The following EML1 variants were observed in gnomAD, a reference collection of about 807,000 sequenced individuals.
The protein encoded by EML1 is EMAP like 1, also known as echinoderm microtubule-associated protein-like 1.
A neutral mutation model predicts 110.4 loss-of-function variants in EML1; 27 were observed. That is an observed-to-expected ratio of 0.24 (90% confidence interval 0.18 to 0.34). The LOEUF (loss-of-function observed/expected upper bound fraction) is 0.34. EML1 is among the 10% of genes least tolerant of loss of function. The pLI is 1.00. For missense variants in EML1, 741 were observed against 1,030.9 expected, an observed-to-expected ratio of 0.72 and a Z score of 3.85; for synonymous variants, 344 against 385.8, an observed-to-expected ratio of 0.89 and a Z score of 1.27.
At chr14:99,772,810 A>C (rs1345494098), upstream of EML1, 32 of 152,184 alleles carry the variant, frequency 2.1e-4, no homozygotes, top group Admixed American at 2.1e-3. Context: ...GTCCCTGCTA[A>C]ATTGATTTTA....
At position 99,745,982 on chromosome 14, in the gene EML1, T is replaced by C. The variant is rs528209594; in HGVS notation, c.28+8122T>C. 3.3e-5 allele frequency among the ~76,000 whole-genome samples: 5 copies of C among 152,306 alleles called. No individual in the cohort carries two copies. In the South Asian group the frequency reaches 8.3e-4, roughly 25 times the overall value. ...CCAGCCCACTCTGGTGTCCTTGTCC[T>C]TAGGGTTAATAGACTGAGGTTACTG... On this transcript the variant is annotated intron_variant, in intron 1 of 10. Coordinates refer to the EML1 transcript ENST00000554479.
At chr14:99,933,717 G>A (rs147212057) in intron 17 of EML1, among the ~76,000 whole-genome samples, 16 of 152,338 alleles carry the variant, frequency 1.1e-4, no homozygotes, top group Non-Finnish European at 1.5e-4. Context: ...TCTACTTCAC[G>A]AGGTTGTTAC....
At chr14:99,849,693 G>A (rs781052806) in intron 1 of EML1, among the ~76,000 whole-genome samples, 11 of 151,406 alleles carry the variant, frequency 7.3e-5, no homozygotes, top group East Asian at 5.9e-4. Flanking sequence ...GACTATAGAC[G>A]CGCACCACCA....
chr14:99,793,056 C>A (rs911837247), upstream of EML1, among the ~76,000 whole-genome samples: 1 of 151,458 alleles, frequency 6.6e-6, no homozygotes, highest in African/African-American at 2.4e-5. Context: ...CCCGCGCCCC[C>A]GCAAGGGCCG....
Position 99,939,232 on chromosome 14 carries a change from A to G in EML1, c.2227A>G (p.Asn743Asp), listed in dbSNP as rs772026903. 1.4e-5 allele frequency: 22 copies of G among 1,614,076 alleles called. No individual in the cohort carries two copies. The East Asian group carries it at 4.5e-4, about 33-fold the overall frequency. Reference protein sequence around the residue: ...WPEGSDGTDINAVCRAHEKKL... With the variant: ...WPEGSDGTDIDAVCRAHEKKL... The stretch of plus-strand genomic sequence containing the variant: ...AGAAGGCTCGGACGGAACCGACATC[A>G]ATGCCGTCTGTCGGGCCCATGAGAA... Residue 743 changes from asparagine to aspartate, a missense_variant, in exon 21 of 22, where the codon AAT becomes GAT. Coordinates refer to ENST00000262233, the MANE Select transcript of EML1 (RefSeq NM_004434.3). This position sits in a 1 kb window ranked among gnomAD's most constrained non-coding sequence, Gnocchi z 4.2.
chr14:99,791,552 G>T (rs1354369888), upstream of EML1, among the ~76,000 whole-genome samples: 1 of 152,146 alleles, frequency 6.6e-6, no homozygotes, highest in African/African-American at 2.4e-5. Context: ...GTTGCTACAG[G>T]GCACTTCTAA....
chr14:99,790,593 A>G (rs1431260105), upstream of EML1, among the ~76,000 whole-genome samples: 1 of 152,240 alleles, frequency 6.6e-6, no homozygotes, highest in East Asian at 1.9e-4. Context: ...CCAATCATCC[A>G]ACATATCCTG....
intron 1 of EML1, among the ~76,000 whole-genome samples, chr14:99,823,345 C>A (rs2058296737): frequency 6.6e-6 from 1 of 151,938 alleles, no homozygotes; most frequent in Non-Finnish European, 1.5e-5. Flanking sequence ...GGCTGTGTCC[C>A]CACTTAGCCA....
At chr14:99,756,345 A>C (rs2140180768) in intron 1 of EML1, among the ~76,000 whole-genome samples, 2 of 152,320 alleles carry the variant, frequency 1.3e-5, no homozygotes, top group South Asian at 4.1e-4. Context: ...TGCCCTGCTG[A>C]TGTAGCAAGG....
intron 4 of EML1, among the ~76,000 whole-genome samples, chr14:99,889,543 G>A (rs1219519181): frequency 1.3e-5 from 2 of 152,206 alleles, no homozygotes; most frequent in Non-Finnish European, 2.9e-5. Flanking sequence ...CGGGGGCTGT[G>A]GCGAGCAGGG....
rs140916536 is a variant in EML1, at chr14:99,810,432, C to T, written c.67+16889C>T. 5.1e-3 allele frequency among the ~76,000 whole-genome samples: 770 copies of T among 152,294 alleles called. 3 individuals carry two copies. Among genetic ancestry groups the T allele is most frequent in the African/African-American group, 0.018 (745 of 41,550 alleles). On this transcript the variant is annotated intron_variant, in intron 1 of 21. Coordinates refer to ENST00000262233, the MANE Select transcript of EML1 (RefSeq NM_004434.3). ...ATGGTTTTGTTGCAGTGTTTCATTT[C>T]GTCCTCGCAACCATTCAGTGGACCA...
chr14:99,849,535 A>G lies in EML1; in HGVS notation c.68-1318A>G, dbSNP rs201000547. 2.4e-3 allele frequency among the ~76,000 whole-genome samples: 330 copies of G among 140,330 alleles called. 8 individuals carry two copies. In the South Asian group the frequency reaches 0.042, roughly 18 times the overall value. 92.1% of individuals were successfully genotyped at this position (140,330 alleles called of 152,430 possible). The stretch of plus-strand genomic sequence containing the variant: ...TGTGTGTGTGTGTGTGTGTGTATAT[A>G]TATTTATTTATTTATTTATTTGTTT... On this transcript the variant is annotated intron_variant, in intron 1 of 21. Transcript: ENST00000262233.
intron 17 of EML1, among the ~76,000 whole-genome samples, chr14:99,922,946 CTGTT>C (rs1316082197): frequency 5.9e-5 from 9 of 151,536 alleles, no homozygotes; most frequent in Non-Finnish European, 8.8e-5. Context: ...ATCTTTTTTT[CTGTT>C]TGTTTGTTTT....
chr14:99,852,146 A>AT (rs922599091), intron 2 of EML1, among the ~76,000 whole-genome samples: 12 of 152,300 alleles, frequency 7.9e-5, no homozygotes, highest in African/African-American at 2.9e-4. Context: ...CCTCCTAACA[A>AT]TTTCTGTCCA....
chr14:99,921,220 G>C (rs190010570), intron 17 of EML1, among the ~76,000 whole-genome samples: 305 of 152,240 alleles, frequency 2.0e-3, no homozygotes, highest in Admixed American at 4.9e-3. Flanking sequence ...ACAGCTTCCA[G>C]CTCCATCCAT....
At chr14:99,853,371 C>T (rs2058844916) in intron 2 of EML1, among the ~76,000 whole-genome samples, 1 of 151,816 alleles carries the variant, frequency 6.6e-6, no homozygotes, top group South Asian at 2.1e-4. Context: ...GAGGGGCGTG[C>T]CCGTGGGAGG....
rs935678288 is a variant in EML1, at chr14:99,808,742, A to G, written c.67+15199A>G. Among the ~76,000 whole-genome samples the G allele has an allele frequency of 3.9e-5, 6 of 152,126 alleles. No homozygotes were observed. The East Asian group carries it at 5.8e-4, about 15-fold the overall frequency. Reference sequence around the variant, plus strand: ...CTCCACACTGTGGACTATCTGGGGAATTTTTCAAGAGTAATTTCAACACAC... The same window carrying G: ...CTCCACACTGTGGACTATCTGGGGAGTTTTTCAAGAGTAATTTCAACACAC... On this transcript the variant is annotated intron_variant, in intron 1 of 21. Transcript: ENST00000262233.
rs1271445108 is a variant in EML1, at chr14:99,786,862, G to GA, written c.-27+12849_-27+12850insA. 4.2e-4 allele frequency among the ~76,000 whole-genome samples: 64 copies of GA among 152,274 alleles called. 1 individual carries two copies. Among genetic ancestry groups the GA allele is most frequent in the African/African-American group, 1.4e-3 (60 of 41,554 alleles). On this transcript the variant is annotated intron_variant, in intron 1 of 22. Transcript: ENST00000327921. ...ACCCTGGAGTAATGAAGCAGGGCTG[G>GA]GTAAACCAGGACACAGGCTACTGTT...
chr14:99,868,591 G>T (rs1001767425), intron 3 of EML1, among the ~76,000 whole-genome samples: 47 of 152,020 alleles, frequency 3.1e-4, no homozygotes, highest in African/African-American at 9.2e-4. Context: ...CACCCAATTT[G>T]CTGGCATATG....
Sources: gnomAD v4.1 joint callset for allele counts (sites outside exome capture counted in the v4.1 genomes callset) on GRCh38, gnomAD v4.1.1 for gene constraint, Gnocchi (gnomAD v3.1) non-coding constraint, MANE v1.5 for transcripts, NCBI Gene and HGNC (gene_info 2026-07-23, HGNC 2026-07-21) for gene names.